Variants in GNPDA2 observed in about 807,000 individuals in gnomAD.
GNPDA2 encodes the protein glcN6P deaminase 2.
In GNPDA2, 24 loss-of-function variants were observed where a neutral mutation model predicts 27.0. The observed-to-expected ratio is 0.89, with a 90% CI of 0.64 to 1.25. The LOEUF is 1.25. Ranked by LOEUF, GNPDA2 falls within the 50% of genes most tolerant of loss-of-function variation. The pLI is 0.00. For synonymous variants in GNPDA2, 94 were observed against 108.4 expected (o/e 0.87, Z 0.83); for missense variants, 286 against 335.1 (o/e 0.85, Z 1.14).
rs1429533304 is a variant in GNPDA2 at position 44,701,922 on chromosome 4, A to G, written c.*1159T>C. 1.0e-6 allele frequency: 1 copy of G among 983,836 alleles called. No homozygotes were observed. Among genetic ancestry groups the G allele is most frequent in the African/African-American group, 1.7e-5 (1 of 57,160 alleles). The allele number at this position is 983,836 out of a possible 1,614,324, so 60.9% of individuals were successfully genotyped here. A position where few individuals can be genotyped will look rare whatever the true frequency, so the allele number is the denominator to read the frequency against. Reference sequence around the variant, plus strand: ...TAATATTTTAAGAAACTACATTTTAATCACATAGACAAGCAGATAAGTAAG... The same window carrying G: ...TAATATTTTAAGAAACTACATTTTAGTCACATAGACAAGCAGATAAGTAAG... On this transcript the variant is annotated 3_prime_UTR_variant, in exon 7 of 7. Transcript: ENST00000295448.
rs1165026327 is a variant in GNPDA2 at position 44,703,011 on chromosome 4, G to C, written c.*70C>G. The C allele has an allele frequency of 3.1e-6, 5 of 1,592,398 alleles. No homozygotes were observed. The highest frequency in any genetic ancestry group is 1.8e-5 in the Admixed American group (1 of 54,786). Reference sequence around the variant, plus strand: ...TCCCCATGTTTTGTCATATTGCATAGCTGAAAATTCATCTACTACTTAGTA... The same window carrying C: ...TCCCCATGTTTTGTCATATTGCATACCTGAAAATTCATCTACTACTTAGTA... On this transcript the variant is annotated 3_prime_UTR_variant, in exon 7 of 7. Coordinates refer to ENST00000295448, the MANE Select transcript of GNPDA2 (RefSeq NM_138335.3).
intron 6 of GNPDA2, chr4:44,703,896 G>A: frequency 2.0e-6 from 2 of 985,002 alleles, no homozygotes; most frequent in South Asian, 9.4e-5. Context: ...CCCAGTTAAT[G>A]AACCAGAGAT....
intron 4 of GNPDA2, among the ~76,000 whole-genome samples, chr4:44,716,335 T>C (rs912490723): frequency 1.3e-5 from 2 of 151,918 alleles, no homozygotes; most frequent in Non-Finnish European, 1.5e-5. Context: ...ATACAGATAA[T>C]TTACAGCATT....
intron 6 of GNPDA2, chr4:44,704,853 G>A (rs1216807980): frequency 1.1e-5 from 11 of 983,732 alleles, no homozygotes; most frequent in African/African-American, 3.5e-5. Flanking sequence ...TAAATACAAA[G>A]TAAGAGAAAA....
intron 1 of GNPDA2, among the ~76,000 whole-genome samples, chr4:44,725,039 A>G (rs1192513812): frequency 6.6e-6 from 1 of 152,216 alleles, no homozygotes; most frequent in Non-Finnish European, 1.5e-5. Flanking sequence ...AACGGAAAAA[A>G]AATAAGGTAA....
At chr4:44,721,497 T>A (rs1404149623) in intron 2 of GNPDA2, among the ~76,000 whole-genome samples, 2 of 152,138 alleles carry the variant, frequency 1.3e-5, no homozygotes, top group African/African-American at 4.8e-5. Flanking sequence ...TGACACCACC[T>A]AGTCGTTTTT....
chr4:44,707,754 T>C lies in GNPDA2; in HGVS notation c.767A>G (p.Lys256Arg). The change falls in exon 6 of 7, where the codon AAA becomes AGA. Residue 256 changes from lysine (K) to arginine (R), a missense_variant and splice_region_variant. By Grantham distance (26) the Lys-to-Arg change is conservative. Transcript: ENST00000295448. ...GGCTTTTGAAATTCAGTGCTCACCT[T>C]TAAAGTATTTCACAGTTTTAACTCT... ...ELRVKTVKYF[K>R]GLMHVHNKLV... 1 of 1,611,972 alleles carries C rather than the reference T, an allele frequency of 6.2e-7. No homozygotes were observed. The highest frequency in any genetic ancestry group is 8.5e-7 in the Non-Finnish European group (1 of 1,178,736).
Position 44,707,795 on chromosome 4 carries a change from A to G in GNPDA2, c.726T>C (p.Asp242=). The change falls in exon 6 of 7, where the codon GAT becomes GAC. Residue 242 remains aspartate, a synonymous_variant. Transcript: ENST00000295448. The part of the protein sequence containing the change: ...HPRTIFVCDE[D]ATLELRVKTV... The stretch of plus-strand genomic sequence containing the variant: ...TTTTAACTCTTAATTCTAAAGTAGC[A>G]TCTTCATCGCATACAAAAATAGTCC... 3 of 1,613,424 alleles carry G rather than the reference A, an allele frequency of 1.9e-6. No individual in the cohort carries two copies. Among genetic ancestry groups the G allele is most frequent in the Non-Finnish European group, 2.5e-6 (3 of 1,179,644 alleles).
rs1459746000 is a variant in GNPDA2, at chr4:44,717,268, T to C, written c.254A>G (p.Tyr85Cys). 6.6e-7 allele frequency: 1 copy of C among 1,521,568 alleles called. No homozygotes were observed. 94.3% of individuals were successfully genotyped at this position (1,521,568 alleles called of 1,614,324 possible). The change falls in exon 4 of 7, where the codon TAC (tyrosine) becomes TGC (cysteine). Residue 85 changes from tyrosine to cysteine, a missense_variant. Transcript: ENST00000295448. ...VGLPRNHPES[Y>C]HSYMWNNFFK... ...AAAATTATTCCACATATAAGAATGG[T>C]AGCTTTCAGGATGATTTCTTGGAAG...
At chr4:44,708,423 C>G (rs1716749614) in intron 5 of GNPDA2, among the ~76,000 whole-genome samples, 2 of 152,014 alleles carry the variant, frequency 1.3e-5, no homozygotes, top group African/African-American at 4.8e-5. Flanking sequence ...TGAACATGTG[C>G]TATTCAAAGT....
At chr4:44,709,899 G>C (rs1454731530) in intron 5 of GNPDA2, among the ~76,000 whole-genome samples, 2 of 151,952 alleles carry the variant, frequency 1.3e-5, no homozygotes, top group Non-Finnish European at 2.9e-5. Context: ...GATCTCTTGA[G>C]CCCTGGAGGT....
At chr4:44,725,777 A>G (rs1717973924) in intron 1 of GNPDA2, among the ~76,000 whole-genome samples, 1 of 152,202 alleles carries the variant, frequency 6.6e-6, no homozygotes. Flanking sequence ...ACAAGACAGC[A>G]TCAAAAAACA....
intron 6 of GNPDA2, chr4:44,704,738 A>C (rs1716482320): frequency 1.0e-6 from 1 of 984,568 alleles, no homozygotes; most frequent in African/African-American, 1.7e-5. Flanking sequence ...ACCAGAAGAA[A>C]GGTTAAATGT....
intron 1 of GNPDA2, among the ~76,000 whole-genome samples, chr4:44,725,637 A>G (rs1717963032): frequency 6.6e-6 from 1 of 152,158 alleles, no homozygotes. Flanking sequence ...AAAAGTCCCA[A>G]ATGAATCCCT....
intron 4 of GNPDA2, among the ~76,000 whole-genome samples, chr4:44,713,795 G>A (rs940374053): frequency 3.9e-5 from 6 of 151,938 alleles, no homozygotes; most frequent in Non-Finnish European, 7.4e-5. Flanking sequence ...CAGGAGGATC[G>A]CTTGAACCTG....
chr4:44,716,582 T>A (rs986436374), intron 4 of GNPDA2, among the ~76,000 whole-genome samples: 1 of 151,896 alleles, frequency 6.6e-6, no homozygotes, highest in Non-Finnish European at 1.5e-5. Context: ...TGGAATTTAT[T>A]ATGACAATTA....
At chr4:44,721,758 A>C (rs577495097) in intron 2 of GNPDA2, among the ~76,000 whole-genome samples, 110 of 152,194 alleles carry the variant, frequency 7.2e-4, no homozygotes, top group Admixed American at 1.4e-3. Context: ...TCAACTAAAA[A>C]CTGGTATGAA....
Position 44,710,988 on chromosome 4 carries a change from T to A in GNPDA2, c.559A>T (p.Thr187Ser). Residue 187 changes from threonine (T) to serine (S), a missense_variant, in exon 5 of 7, where the codon ACT becomes TCT. Transcript: ENST00000295448. ...TCCATCACTGTCCCCACACCAACAG[T>A]TAGAGCCATAGTTGGCACTTTTGAT... Reference protein sequence around the residue: ...DLSKVPTMALTVGVGTVMDAR... With the variant: ...DLSKVPTMALSVGVGTVMDAR... 1 of 1,612,332 alleles carries A rather than the reference T, an allele frequency of 6.2e-7. No individual in the cohort carries two copies. The highest frequency in any genetic ancestry group is 8.5e-7 in the Non-Finnish European group (1 of 1,179,244).
Position 44,701,926 on chromosome 4 carries a change from CAT to C in GNPDA2, c.*1153_*1154del, listed in dbSNP as rs989108806. The C allele has an allele frequency of 2.0e-6, 2 of 983,816 alleles. No individual in the cohort carries two copies. Among genetic ancestry groups the C allele is most frequent in the Admixed American group, 6.2e-5 (1 of 16,210 alleles). The allele number at this position is 983,816 out of a possible 1,614,324, so 60.9% of individuals were successfully genotyped here. Reference sequence around the variant, plus strand: ...ATTTTAAGAAACTACATTTTAATCACATAGACAAGCAGATAAGTAAGGCTTCT... The same window carrying C: ...ATTTTAAGAAACTACATTTTAATCACAGACAAGCAGATAAGTAAGGCTTCT... On this transcript the variant is annotated 3_prime_UTR_variant, in exon 7 of 7. Coordinates refer to ENST00000295448, the MANE Select transcript of GNPDA2 (RefSeq NM_138335.3).
Sources: allele counts gnomAD v4.1 joint callset (sites outside exome capture counted in the v4.1 genomes callset), GRCh38; gene constraint gnomAD v4.1.1; transcripts MANE v1.5; gene names NCBI Gene and HGNC (gene_info 2026-07-23, HGNC 2026-07-21).